The following WDR48 variants were observed in gnomAD, a reference collection of about 807,000 sequenced individuals.
WDR48 encodes WD repeat domain 48.
In WDR48, 22 loss-of-function variants were observed where a neutral mutation model predicts 94.0. That is an observed-to-expected ratio of 0.23 (90% confidence interval 0.17 to 0.33). The LOEUF is 0.33. WDR48 is among the 10% of genes least tolerant of loss of function. WDR48 has a pLI of 1.00. For missense variants in WDR48, 541 were observed against 813.8 expected, an observed-to-expected ratio of 0.66 and a Z score of 4.08; for synonymous variants, 278 against 280.5, an observed-to-expected ratio of 0.99 and a Z score of 0.09.
chr3:39,092,477 A>C (rs2035129733), intron 17 of WDR48, among the ~76,000 whole-genome samples: 1 of 152,162 alleles, frequency 6.6e-6, no homozygotes, highest in Admixed American at 6.5e-5. Flanking sequence ...GGACCCATGC[A>C]CCTGCAGCAT....
At chr3:39,076,784 T>G (rs572102649) in intron 8 of WDR48, among the ~76,000 whole-genome samples, 2 of 152,212 alleles carry the variant, frequency 1.3e-5, no homozygotes, top group Non-Finnish European at 2.9e-5. Flanking sequence ...AAAAAGAAAT[T>G]TATTTCCTTG....
rs774937184 is a variant in WDR48 at position 39,067,149 on chromosome 3, C to T, written c.481+274C>T. On this transcript the variant is annotated intron_variant, in intron 5 of 18. Transcript: ENST00000302313. ...TCCCTAGCTAAAATGTAAGTCCCTG[C>T]AGGGTAGAGGAGACTGTCTTACTAC... Among the ~76,000 whole-genome samples, 22 of 152,280 alleles carry T rather than the reference C, an allele frequency of 1.4e-4. No individual in the cohort carries two copies. In the Middle Eastern group the frequency reaches 0.014, roughly 94 times the overall value.
Position 39,077,266 on chromosome 3 carries a change from C to G in WDR48, c.972+53C>G, listed in dbSNP as rs1424717477. On this transcript the variant is annotated intron_variant, in intron 9 of 18. Transcript: ENST00000302313. ...TTTATAAACATGTATTTTGTTATCA[C>G]AGACCTGTAGACGCCAGTTGCAAAT... 1.9e-6 allele frequency: 3 copies of G among 1,602,044 alleles called. No homozygotes were observed. The African/African-American group carries it at 4.0e-5, about 21-fold the overall frequency.
intron 8 of WDR48, among the ~76,000 whole-genome samples, chr3:39,075,190 C>CTTTTTTTTTTTTT (rs11353487): frequency 9.1e-6 from 1 of 110,492 alleles, no homozygotes; most frequent in Non-Finnish European, 1.8e-5. Context: ...TTGTGTTTTG[C>CTTTTTTTTTTTTT]TTTTTTTTTT....
chr3:39,060,053 A>T (rs972434746), intron 1 of WDR48, among the ~76,000 whole-genome samples: 2 of 152,172 alleles, frequency 1.3e-5, no homozygotes, highest in African/African-American at 4.8e-5. Flanking sequence ...ACTTTTTGAC[A>T]TTCAGAAGGT....
intron 11 of WDR48, among the ~76,000 whole-genome samples, chr3:39,082,028 T>C (rs553962469): frequency 7.9e-5 from 12 of 152,368 alleles, no homozygotes; most frequent in African/African-American, 2.6e-4. Flanking sequence ...TAACCTTGGC[T>C]GTGCCAAATA....
intron 16 of WDR48, chr3:39,089,544 A>G: frequency 3.4e-6 from 1 of 296,894 alleles, no homozygotes; most frequent in East Asian, 5.8e-5. Flanking sequence ...CTTATTCAAC[A>G]AAATAATAAA....
chr3:39,074,134 C>T (rs1413843145), intron 7 of WDR48, among the ~76,000 whole-genome samples: 1 of 152,206 alleles, frequency 6.6e-6, no homozygotes, highest in East Asian at 1.9e-4. Context: ...CTAGTGCATA[C>T]AGCTACCTTC....
chr3:39,085,473 T>G, intron 13 of WDR48, 42 bp from the exon 14 acceptor site: 2 of 1,503,288 alleles, frequency 1.3e-6, no homozygotes, highest in African/African-American at 1.4e-5. Context: ...GCCAAGTAAC[T>G]CGCTTTTCCA....
chr3:39,062,883 C>T (rs1465961931), intron 1 of WDR48, among the ~76,000 whole-genome samples, 167 bp from the exon 2 acceptor site: 2 of 152,208 alleles, frequency 1.3e-5, no homozygotes, highest in African/African-American at 4.8e-5. Context: ...CCATCCTTCT[C>T]TTCAGCCCTT....
rs1439280879 is a variant in WDR48, at chr3:39,085,605, A to T, written c.1469A>T (p.Asn490Ile). 3.1e-6 allele frequency: 5 copies of T among 1,608,678 alleles called. No homozygotes were observed. The Admixed American group carries it at 6.8e-5, about 22-fold the overall frequency. ...NPMDEEENEV[N>I]HVNGEQENRV... Reference sequence around the variant, plus strand: ...ATGGATGAAGAGGAAAATGAAGTAAACCATGGTTAGTTTTTATATTCAGAT... The same window carrying T: ...ATGGATGAAGAGGAAAATGAAGTAATCCATGGTTAGTTTTTATATTCAGAT... The change falls in exon 14 of 19, where the codon AAC (asparagine) becomes ATC (isoleucine). Residue 490 changes from asparagine to isoleucine, a missense_variant. By Grantham distance (149) the Asn-to-Ile change is moderately radical (BLOSUM62 -3). Transcript: ENST00000302313.
chr3:39,088,239 G>C lies in WDR48; in HGVS notation c.1580+6G>C, dbSNP rs1197388488. The C allele has an allele frequency of 6.2e-7, 1 of 1,613,576 alleles. No homozygotes were observed. Among genetic ancestry groups the C allele is most frequent in the Non-Finnish European group, 8.5e-7 (1 of 1,179,736 alleles). On this transcript the variant is annotated splice_donor_region_variant and intron_variant, in intron 15 of 18. Coordinates refer to ENST00000302313, the MANE Select transcript of WDR48 (RefSeq NM_020839.4). ...GGAGGTCGCACACTGTTCAGGTATG[G>C]GTAAGAAAGACAAGAGGTTCTGCCT...
chr3:39,086,025 T>C (rs2034791786), intron 14 of WDR48, among the ~76,000 whole-genome samples: 1 of 152,176 alleles, frequency 6.6e-6, no homozygotes, highest in Non-Finnish European at 1.5e-5. Flanking sequence ...GGCTGAAATG[T>C]TGGTATTTCC....
intron 2 of WDR48, among the ~76,000 whole-genome samples, chr3:39,065,513 C>T (rs1279896804): frequency 6.6e-6 from 1 of 150,938 alleles, no homozygotes; most frequent in East Asian, 1.9e-4. Context: ...TTATGTCACA[C>T]ACAGTGCCTA....
At chr3:39,082,731 A>G (rs2034603178) in intron 11 of WDR48, among the ~76,000 whole-genome samples, 2 of 152,224 alleles carry the variant, frequency 1.3e-5, no homozygotes, top group East Asian at 1.9e-4. Flanking sequence ...ATGCTGAGAA[A>G]GATGTTGAAT....
chr3:39,092,525 T>C (rs576907876), intron 17 of WDR48, among the ~76,000 whole-genome samples: 2 of 151,990 alleles, frequency 1.3e-5, no homozygotes, highest in Non-Finnish European at 2.9e-5. Context: ...AGGAGGTAAA[T>C]TGGAAAAGCA....
chr3:39,058,529 G>A (rs763646223), intron 1 of WDR48, among the ~76,000 whole-genome samples: 8 of 152,160 alleles, frequency 5.3e-5, no homozygotes, highest in Non-Finnish European at 1.2e-4. Context: ...TAGATATGCT[G>A]CACAGTCTCA....
At chr3:39,086,238 A>G (rs1382518077) in intron 14 of WDR48, 1 of 152,290 alleles carries the variant, frequency 6.6e-6, no homozygotes, top group African/African-American at 2.4e-5. Context: ...CATTTGGCTC[A>G]GTTTGATCAA....
Position 39,078,281 on chromosome 3 carries a change from G to A in WDR48, c.1075+42G>A, listed in dbSNP as rs113495988. On this transcript the variant is annotated intron_variant, in intron 10 of 18. Transcript: ENST00000302313. ...TACTGTACCCCTTATTGAAGTTAGC[G>A]ATAGTTACTTAGAGATTGACAAAAA... The A allele has an allele frequency of 1.4e-4, 196 of 1,367,482 alleles. 1 individual carries two copies. In the African/African-American group the frequency reaches 2.5e-3, roughly 18 times the overall value. 84.7% of individuals were successfully genotyped at this position (1,367,482 alleles called of 1,614,324 possible).
Sources: gnomAD v4.1 joint callset for allele counts (sites outside exome capture counted in the v4.1 genomes callset) on GRCh38, gnomAD v4.1.1 for gene constraint, MANE v1.5 for transcripts, NCBI Gene and HGNC (gene_info 2026-07-23, HGNC 2026-07-21) for gene names.